SLCO1A2: variants seen among roughly 807,000 people sequenced by gnomAD.
The protein encoded by SLCO1A2 is solute carrier organic anion transporter family member 1A2, also known as OATP-1.
Under a neutral mutation model 69.0 loss-of-function variants are expected in SLCO1A2, and 67 were observed. The ratio of observed to expected loss-of-function variants is 0.97; its 90% confidence interval spans 0.80 to 1.19. SLCO1A2 has a LOEUF of 1.19. Ranked by LOEUF, SLCO1A2 falls within the 50% of genes most tolerant of loss-of-function variation. The probability of loss-of-function intolerance (pLI) is 0.00; values close to 1 mark genes in which losing one functional copy is unlikely to be tolerated. For missense variants in SLCO1A2, 787 were observed against 793.7 expected, an observed-to-expected ratio of 0.99 and a Z score of 0.10; for synonymous variants, 260 against 265.9, an observed-to-expected ratio of 0.98 and a Z score of 0.22.
chr12:21,330,083 A>G (rs934693358), intron 2 of SLCO1A2, among the ~76,000 whole-genome samples: 5 of 152,104 alleles, frequency 3.3e-5, no homozygotes, highest in Non-Finnish European at 7.4e-5. Flanking sequence ...GTAGTGAAAT[A>G]TTACTTCTAC....
At chr12:21,404,116 C>T (rs1320123601) in intron 1 of SLCO1A2, among the ~76,000 whole-genome samples, 1 of 152,096 alleles carries the variant, frequency 6.6e-6, no homozygotes, top group Non-Finnish European at 1.5e-5. Flanking sequence ...ATTATTGTAT[C>T]AGTAACTTTC....
At chr12:21,376,409 C>A (rs1357289918) in intron 1 of SLCO1A2, 2 of 259,242 alleles carry the variant, frequency 7.7e-6, no homozygotes, top group Non-Finnish European at 1.6e-5. Context: ...ATTACTAGTT[C>A]AATCCTTAAA....
At chr12:21,352,207 A>T (rs753117023) in intron 2 of SLCO1A2, among the ~76,000 whole-genome samples, 3 of 152,194 alleles carry the variant, frequency 2.0e-5, no homozygotes, top group Non-Finnish European at 4.4e-5. Flanking sequence ...ACTACAGACC[A>T]ACATCCCCTA....
chr12:21,329,491 G>T (rs1952468840), intron 2 of SLCO1A2, among the ~76,000 whole-genome samples: 1 of 146,840 alleles, frequency 6.8e-6, no homozygotes, highest in Non-Finnish European at 1.5e-5. Flanking sequence ...CCAAGGGATT[G>T]AATATTTTTG....
chr12:21,412,310 G>A (rs1398965168), intron 1 of SLCO1A2, among the ~76,000 whole-genome samples: 1 of 151,972 alleles, frequency 6.6e-6, no homozygotes, highest in Admixed American at 6.6e-5. Context: ...GAACCTGGGA[G>A]GCAGAGGTTG....
intron 2 of SLCO1A2, among the ~76,000 whole-genome samples, chr12:21,369,783 G>T (rs931534374): frequency 5.9e-5 from 9 of 152,184 alleles, no homozygotes; most frequent in Admixed American, 4.6e-4. Context: ...TTCACACTTT[G>T]ACTTAGCAAG....
intron 1 of SLCO1A2, among the ~76,000 whole-genome samples, chr12:21,377,302 T>C (rs1183021718): frequency 6.6e-6 from 1 of 152,226 alleles, no homozygotes; most frequent in Non-Finnish European, 1.5e-5. Context: ...ATAGAGTACC[T>C]GAACAGGTGA....
At chr12:21,327,336 G>A (rs1370932018) in intron 2 of SLCO1A2, among the ~76,000 whole-genome samples, 1 of 152,160 alleles carries the variant, frequency 6.6e-6, no homozygotes, top group Non-Finnish European at 1.5e-5. Flanking sequence ...GGAAATGTAG[G>A]GTTGAAGCCC....
chr12:21,278,013 A>T (rs1383323595), intron 12 of SLCO1A2, among the ~76,000 whole-genome samples: 1 of 152,090 alleles, frequency 6.6e-6, no homozygotes, highest in Non-Finnish European at 1.5e-5. Context: ...AGGAGAGCTA[A>T]CTGCCCTGAA....
chr12:21,308,604 G>T (rs997042391), intron 4 of SLCO1A2, among the ~76,000 whole-genome samples: 1 of 152,134 alleles, frequency 6.6e-6, no homozygotes. Flanking sequence ...CAAAAAAAAT[G>T]GGGGTATTAA....
chr12:21,395,552 G>C (rs866067343), upstream of SLCO1A2: 1 of 152,490 alleles, frequency 6.6e-6, no homozygotes, highest in Admixed American at 6.5e-5. Flanking sequence ...GCCTCTGTAG[G>C]CTCCACCTCT....
intron 12 of SLCO1A2, among the ~76,000 whole-genome samples, chr12:21,276,146 T>G (rs139365539): frequency 5.3e-5 from 8 of 152,266 alleles, no homozygotes; most frequent in African/African-American, 1.9e-4. Context: ...GTGTAAGGTT[T>G]GGAAGTGAAA....
At chr12:21,303,708 T>G (rs528900970) in intron 6 of SLCO1A2, among the ~76,000 whole-genome samples, 5 of 152,332 alleles carry the variant, frequency 3.3e-5, no homozygotes, top group African/African-American at 1.2e-4. Context: ...AGTTGGCTAT[T>G]GTTCCAGGTG....
chr12:21,369,646 G>T (rs1939641790), intron 2 of SLCO1A2, among the ~76,000 whole-genome samples: 1 of 152,198 alleles, frequency 6.6e-6, no homozygotes, highest in African/African-American at 2.4e-5. Context: ...CAACTGTAGT[G>T]TGTATGCAAT....
intron 1 of SLCO1A2, chr12:21,379,809 GTTAAAATTTCCCT>G (rs1940473320): frequency 6.6e-6 from 1 of 152,144 alleles, no homozygotes; most frequent in South Asian, 2.1e-4. Context: ...ACATTTCTAA[GTTAAAATTTCCCT>G]TTATGAAGTG....
intron 12 of SLCO1A2, 77 bp downstream of exon 12, chr12:21,292,087 C>T (rs759448519): frequency 1.1e-5 from 11 of 1,010,944 alleles, no homozygotes; most frequent in Non-Finnish European, 1.5e-5. Flanking sequence ...GATACTGAGT[C>T]CTGAGTGACT....
upstream of SLCO1A2, chr12:21,419,517 TA>T: frequency 6.5e-6 from 1 of 153,464 alleles, no homozygotes; most frequent in South Asian, 2.1e-4. Context: ...CTGACGGGCT[TA>T]AAAAATGGTG....
intron 12 of SLCO1A2, among the ~76,000 whole-genome samples, chr12:21,283,860 G>C (rs1359794295): frequency 6.6e-6 from 1 of 152,124 alleles, no homozygotes; most frequent in African/African-American, 2.4e-5. Flanking sequence ...ACTGCAATGA[G>C]ATATCATCTC....
At chr12:21,342,033 G>C (rs1387528437) in intron 2 of SLCO1A2, among the ~76,000 whole-genome samples, 2 of 151,964 alleles carry the variant, frequency 1.3e-5, no homozygotes, top group Non-Finnish European at 2.9e-5. Context: ...TGTCAGCATG[G>C]TGGTTTGGAT....
Sources: allele counts gnomAD v4.1 joint callset (sites outside exome capture counted in the v4.1 genomes callset), GRCh38; gene constraint gnomAD v4.1.1; transcripts MANE v1.5; gene names NCBI Gene and HGNC (gene_info 2026-07-23, HGNC 2026-07-21).